Variants in SPIN3 observed in about 807,000 individuals in gnomAD.
SPIN3 encodes spindlin family member 3, also known as spindlin-3.
For synonymous variants in SPIN3, 74 were observed against 74.3 expected (o/e 1.00, Z 0.02); for missense variants, 176 against 196.4 (o/e 0.90, Z 0.62).
rs756247364 is a variant in SPIN3, at chrX:56,994,780, G to A, written c.168C>T (p.His56=). ...GAGGTTCATCTCCATCTTTCCATCC[G>A]TGCTGAATTCTGCAGCCCACGATGT... ...RGNIVGCRIQ[H]GWKDGDEPLT... is the part of the protein sequence containing the mutation. Residue 56 remains histidine (H), a synonymous_variant, in exon 2 of 2, where the codon CAC becomes CAT. Transcript: ENST00000374919. The A allele has an allele frequency of 8.3e-7, 1 of 1,211,456 alleles. No individual in the cohort carries two copies. The highest frequency in any genetic ancestry group is 1.1e-6 in the Non-Finnish European group (1 of 895,456).
At chrX:56,982,090 G>C (rs1000511315) in intron 3 of SPIN3, 2 of 111,563 alleles carry the variant, frequency 1.8e-5, no homozygotes, top group Non-Finnish European at 3.8e-5. Context: ...TGACTCCATC[G>C]TTACTTGGAG....
In SPIN3 at chrX:56,992,956, T is replaced by C. The variant is rs981164930; in HGVS notation, c.*1215A>G. The C allele has an allele frequency of 1.7e-5, 2 of 117,379 alleles. No homozygotes were observed. Among genetic ancestry groups the C allele is most frequent in the Non-Finnish European group, 1.7e-5 (1 of 57,184 alleles). The allele number at this position is 117,379 out of a possible 1,213,427, so 9.7% of individuals were successfully genotyped here. A position where few individuals can be genotyped will look rare whatever the true frequency, so the allele number is the denominator to read the frequency against. ...AAACACTAACAAAAATCTATTAGAT[T>C]TCTATCTACCAATGCCAGCACTTAA... On this transcript the variant is annotated 3_prime_UTR_variant, in exon 2 of 2. Transcript: ENST00000374919.
chrX:56,994,963 C>G lies in SPIN3; in HGVS notation c.-2-14G>C, dbSNP rs1056561967. 4.8e-5 allele frequency: 56 copies of G among 1,158,510 alleles called. No homozygotes were observed. Among genetic ancestry groups the G allele is most frequent in the Non-Finnish European group, 6.1e-5 (53 of 872,711 alleles). ...GGGTCTTCATGCCTGCGAAGAGGAG[C>G]ACAGTTGCCAGGTGGACCGAGAAAG... On this transcript the variant is annotated splice_polypyrimidine_tract_variant and intron_variant, in intron 1 of 1. Transcript: ENST00000374919.
downstream of SPIN3, among the ~76,000 whole-genome samples, chrX:56,990,308 AATTC>A (rs1403399798): frequency 9.0e-6 from 1 of 111,683 alleles, no homozygotes. Context: ...CCTGAGCCCC[AATTC>A]AAACTATGCC....
rs1364654591 is a variant in SPIN3, at chrX:56,993,934, T to C, written c.*237A>G. ...AAAAAAAAGTATGAGCCAATGGATG[T>C]CAGACTTTACCCTTCTCACTAATCA... is the stretch of plus-strand genomic sequence containing the variant. On this transcript the variant is annotated 3_prime_UTR_variant, in exon 2 of 2. Coordinates refer to ENST00000374919, the MANE Select transcript of SPIN3 (RefSeq NM_001010862.3). 1.4e-5 allele frequency: 5 copies of C among 346,288 alleles called. No homozygotes were observed. The highest frequency in any genetic ancestry group is 1.4e-4 in the East Asian group (3 of 21,385). The allele number at this position is 346,288 out of a possible 1,213,427, so 28.5% of individuals were successfully genotyped here. A position where few individuals can be genotyped will look rare whatever the true frequency, so the allele number is the denominator to read the frequency against.
At chrX:56,980,213 T>C (rs1341814848) in intron 3 of SPIN3, 2 of 111,576 alleles carry the variant, frequency 1.8e-5, no homozygotes, top group East Asian at 5.6e-4. Flanking sequence ...AAAGGAGAAA[T>C]GTGTAAGGAT....
chrX:56,975,474 A>T (rs1337699755), downstream of SPIN3: 3 of 111,332 alleles, frequency 2.7e-5, no homozygotes, highest in African/African-American at 9.8e-5. Flanking sequence ...CAGAGAGAAT[A>T]CATTAGAATG....
Position 56,994,054 on chromosome X carries a change from TG to T in SPIN3, c.*116del, listed in dbSNP as rs1335941981. The T allele has an allele frequency of 2.5e-6, 2 of 808,630 alleles. No homozygotes were observed. The highest frequency in any genetic ancestry group is 1.7e-6 in the Non-Finnish European group (1 of 594,876). 66.6% of individuals were successfully genotyped at this position (808,630 alleles called of 1,213,427 possible). ...GAGAGGGCAGAAGTTCCAATTTTTT[TG>T]CCAAGCAAAACGTGCAAAAAGGGAG... On this transcript the variant is annotated 3_prime_UTR_variant, in exon 2 of 2. Coordinates refer to ENST00000374919, the MANE Select transcript of SPIN3 (RefSeq NM_001010862.3).
At position 56,991,837 on chromosome X, in the gene SPIN3, A is replaced by G. The variant is rs771559947; in HGVS notation, c.*2334T>C. The stretch of plus-strand genomic sequence containing the variant: ...ACCCTAGACTGAAAATTTGATCACA[A>G]TTGCAGCCCTAATTTACAATTATGT... On this transcript the variant is annotated 3_prime_UTR_variant, in exon 2 of 2. Coordinates refer to ENST00000374919, the MANE Select transcript of SPIN3 (RefSeq NM_001010862.3). The G allele has an allele frequency of 4.4e-6, 1 of 224,791 alleles. No individual in the cohort carries two copies. The highest frequency in any genetic ancestry group is 8.0e-6 in the Non-Finnish European group (1 of 124,611). The allele number at this position is 224,791 out of a possible 1,213,427, so 18.5% of individuals were successfully genotyped here.
At chrX:56,990,426 T>A (rs1924305348), downstream of SPIN3, among the ~76,000 whole-genome samples, 1 of 112,038 alleles carries the variant, frequency 8.9e-6, no homozygotes, top group Non-Finnish European at 1.9e-5. Flanking sequence ...TGCAGGCAAG[T>A]TCTGTTAGAA....
rs1235680861 is a variant in SPIN3, at chrX:56,990,884, A to G, written c.*3287T>C. 1 of 104,967 alleles carries G rather than the reference A, an allele frequency of 9.5e-6. No individual in the cohort carries two copies. Among genetic ancestry groups the G allele is most frequent in the Non-Finnish European group, 2.0e-5 (1 of 51,114 alleles). 8.7% of individuals were successfully genotyped at this position (104,967 alleles called of 1,213,427 possible). ...TTGTTCAGTGAAAAAAGCAAAATTCAGAACAGCATGTATAGTATGCCACCA... is the reference window on the plus strand; with the variant it reads ...TTGTTCAGTGAAAAAAGCAAAATTCGGAACAGCATGTATAGTATGCCACCA... On this transcript the variant is annotated 3_prime_UTR_variant, in exon 2 of 2. Coordinates refer to ENST00000374919, the MANE Select transcript of SPIN3 (RefSeq NM_001010862.3).
downstream of SPIN3, among the ~76,000 whole-genome samples, chrX:56,986,674 T>C (rs764866318): frequency 1.8e-4 from 20 of 112,375 alleles, no homozygotes; most frequent in Non-Finnish European, 3.0e-4. Context: ...CTTGAAAATG[T>C]AACCAGAAAA....
At chrX:56,986,085 A>T (rs373691742), downstream of SPIN3, among the ~76,000 whole-genome samples, 1 of 110,914 alleles carries the variant, frequency 9.0e-6, no homozygotes, top group South Asian at 3.8e-4. Context: ...TATTATTATT[A>T]TTTTTTTAAT....
At position 56,976,897 on chromosome X, in the gene SPIN3, G is replaced by A. The variant is rs774011541; in HGVS notation, c.*711C>T. The A allele has an allele frequency of 3.6e-5, 4 of 111,755 alleles. No homozygotes were observed. In the Admixed American group the frequency reaches 3.8e-4, roughly 11 times the overall value. The allele number at this position is 111,755 out of a possible 1,213,427, so 9.2% of individuals were successfully genotyped here. A position where few individuals can be genotyped will look rare whatever the true frequency, so the allele number is the denominator to read the frequency against. ...TAGATTTAGTAAAATAAGATTGCTA[G>A]CCAATAATTGCAGAAAGAAAAAGTA... On this transcript the variant is annotated 3_prime_UTR_variant and NMD_transcript_variant, in exon 6 of 6. Transcript: ENST00000475785.
At position 56,994,067 on chromosome X, in the gene SPIN3, G is replaced by A. The variant is rs1924419994; in HGVS notation, c.*104C>T. On this transcript the variant is annotated 3_prime_UTR_variant, in exon 2 of 2. Coordinates refer to ENST00000374919, the MANE Select transcript of SPIN3 (RefSeq NM_001010862.3). ...TTCCAATTTTTTTGCCAAGCAAAAC[G>A]TGCAAAAAGGGAGAAGATGGTTCTT... The A allele has an allele frequency of 3.3e-6, 3 of 907,401 alleles. No homozygotes were observed. Among genetic ancestry groups the A allele is most frequent in the South Asian group, 6.2e-5 (2 of 32,497 alleles). 74.8% of individuals were successfully genotyped at this position (907,401 alleles called of 1,213,427 possible). A position where few individuals can be genotyped will look rare whatever the true frequency, so the allele number is the denominator to read the frequency against.
At chrX:56,990,157 G>A (rs1167410582), downstream of SPIN3, among the ~76,000 whole-genome samples, 1 of 111,078 alleles carries the variant, frequency 9.0e-6, no homozygotes, top group Non-Finnish European at 1.9e-5. Flanking sequence ...ATACATCATA[G>A]GACACAGGTT....
At chrX:56,979,268 G>C (rs772042071) in intron 3 of SPIN3, 13 of 110,445 alleles carry the variant, frequency 1.2e-4, no homozygotes, top group Non-Finnish European at 2.3e-4. Context: ...GTCTGCATTG[G>C]TTACCAAGAG....
rs987592630 is a variant in SPIN3, at chrX:56,993,944, C to T, written c.*227G>A. The stretch of plus-strand genomic sequence containing the variant: ...ATGAGCCAATGGATGTCAGACTTTA[C>T]CCTTCTCACTAATCAGTTAAATTGC... On this transcript the variant is annotated 3_prime_UTR_variant, in exon 2 of 2. Transcript: ENST00000374919. 2 of 363,579 alleles carry T rather than the reference C, an allele frequency of 5.5e-6. No individual in the cohort carries two copies. The highest frequency in any genetic ancestry group is 2.6e-5 in the African/African-American group (1 of 38,488). The allele number at this position is 363,579 out of a possible 1,213,427, so 30.0% of individuals were successfully genotyped here.
At position 56,991,993 on chromosome X, in the gene SPIN3, C is replaced by G; in HGVS notation, c.*2178G>C. 1.4e-5 allele frequency: 4 copies of G among 295,157 alleles called. No homozygotes were observed. The highest frequency in any genetic ancestry group is 2.4e-5 in the Non-Finnish European group (4 of 169,095). The allele number at this position is 295,157 out of a possible 1,213,427, so 24.3% of individuals were successfully genotyped here. On this transcript the variant is annotated 3_prime_UTR_variant, in exon 2 of 2. Transcript: ENST00000374919. ...TTAGTTTGAACTATATGACCTCACC[C>G]CCACCCCATCAACTATTAAACTCCA...
Sources: allele counts gnomAD v4.1 joint callset (sites outside exome capture counted in the v4.1 genomes callset), GRCh38; gene constraint gnomAD v4.1.1; transcripts MANE v1.5; gene names NCBI Gene and HGNC (gene_info 2026-07-23, HGNC 2026-07-21).